Variants in FRMD6 observed in about 807,000 individuals in gnomAD.
FRMD6 encodes FERM domain containing 6, also known as FERM domain-containing protein 6.
In FRMD6, 37 loss-of-function variants were observed where a neutral mutation model predicts 73.2. That is an observed-to-expected ratio of 0.51 (90% CI 0.39 to 0.66). The LOEUF (loss-of-function observed/expected upper bound fraction) is 0.66. Among genes scored for constraint, FRMD6 ranks in the 30% least tolerant of loss-of-function variants. The pLI is 0.00. For synonymous variants in FRMD6, 273 were observed against 282.2 expected (o/e 0.97, Z 0.33); for missense variants, 714 against 780.5 (o/e 0.91, Z 1.02).
chr14:51,442,056 G>A, the FRMD6 span, among the ~76,000 whole-genome samples: 1 of 152,164 alleles, frequency 6.6e-6, no homozygotes, highest in African/African-American at 2.4e-5. Flanking sequence ...AGACAGCCCA[G>A]GGGAGTGCCA....
At position 51,689,920 on chromosome 14, in the gene FRMD6, G is replaced by T. The variant is rs142398991; in HGVS notation, c.84G>T (p.Leu28=). The change falls in exon 2 of 14, where the codon CTG becomes CTT. Residue 28 remains leucine, a synonymous_variant. Transcript: ENST00000344768. ...VCIFLPNDES[L]NIIINVKILC... is the part of the protein sequence containing the mutation. ...TTTTCCTTCCCAACGATGAATCTCTGAACATCATCATAAATGTGAGTAGAT... is the reference window on the plus strand; with the variant it reads ...TTTTCCTTCCCAACGATGAATCTCTTAACATCATCATAAATGTGAGTAGAT... 3.8e-5 allele frequency: 61 copies of T among 1,604,384 alleles called. No individual in the cohort carries two copies. The Middle Eastern group carries it at 5.0e-4, about 13-fold the overall frequency.
At chr14:51,701,216 T>C in intron 4 of FRMD6, 57 bp downstream of exon 4, 4 of 1,026,134 alleles carry the variant, frequency 3.9e-6, no homozygotes, top group Non-Finnish European at 5.7e-6. Flanking sequence ...ATGTTTATTT[T>C]AGCTGTTATA....
intron 2 of FRMD6, among the ~76,000 whole-genome samples, chr14:51,584,935 A>T (rs1267806168): frequency 6.6e-6 from 1 of 152,174 alleles, no homozygotes; most frequent in Non-Finnish European, 1.5e-5. Flanking sequence ...TCATAAAAAG[A>T]TATTGTGATC....
intron 2 of FRMD6, among the ~76,000 whole-genome samples, chr14:51,625,222 C>A (rs1891072115): frequency 6.6e-6 from 1 of 152,136 alleles, no homozygotes; most frequent in African/African-American, 2.4e-5. Flanking sequence ...TTCCAGCAAT[C>A]TGCATATTTA....
chr14:51,424,447 G>A, the FRMD6 span, among the ~76,000 whole-genome samples: 2 of 152,218 alleles, frequency 1.3e-5, no homozygotes, highest in Non-Finnish European at 1.5e-5. Context: ...CATTGTGAAG[G>A]TAGAGAGTGC....
At chr14:51,410,757 A>G in the FRMD6 span, among the ~76,000 whole-genome samples, 1 of 152,164 alleles carries the variant, frequency 6.6e-6, no homozygotes, top group African/African-American at 2.4e-5. Context: ...ATACTTTTTT[A>G]TGTTCCAAAA....
At chr14:51,522,053 G>A (rs1169405715) in intron 1 of FRMD6, among the ~76,000 whole-genome samples, 2 of 152,034 alleles carry the variant, frequency 1.3e-5, no homozygotes, top group African/African-American at 4.8e-5. Flanking sequence ...AAATGTACCA[G>A]GATTAAAGGT....
intron 2 of FRMD6, among the ~76,000 whole-genome samples, chr14:51,620,064 A>C (rs1229821847): frequency 2.6e-5 from 4 of 152,170 alleles, no homozygotes; most frequent in Non-Finnish European, 5.9e-5. Flanking sequence ...TTGTAAAATG[A>C]GGTGACTAAA....
intron 1 of FRMD6, among the ~76,000 whole-genome samples, chr14:51,537,818 G>T (rs751613000): frequency 2.0e-5 from 3 of 152,076 alleles, no homozygotes; most frequent in Non-Finnish European, 2.9e-5. Flanking sequence ...CTTTGGTGTG[G>T]TGTCTCTTCA....
the FRMD6 span, among the ~76,000 whole-genome samples, chr14:51,396,479 A>G: frequency 3.6e-4 from 54 of 151,984 alleles, no homozygotes; most frequent in Non-Finnish European, 7.4e-4. Context: ...TGTACTGTTT[A>G]TCGTGATAAT....
chr14:51,426,347 G>A, the FRMD6 span, among the ~76,000 whole-genome samples: 13 of 152,074 alleles, frequency 8.5e-5, no homozygotes, highest in East Asian at 7.7e-4. Flanking sequence ...CTGTGCCCGC[G>A]TCTGTGTGTC....
the FRMD6 span, among the ~76,000 whole-genome samples, chr14:51,450,120 G>A: frequency 1.3e-5 from 2 of 152,130 alleles, no homozygotes; most frequent in Non-Finnish European, 2.9e-5. Context: ...TTATAAAATT[G>A]AATCTCTCGT....
chr14:51,441,769 A>G, the FRMD6 span, among the ~76,000 whole-genome samples: 1 of 152,212 alleles, frequency 6.6e-6, no homozygotes, highest in Admixed American at 6.5e-5. Context: ...CTCTTCTTAG[A>G]ACTATAGAAT....
the FRMD6 span, among the ~76,000 whole-genome samples, chr14:51,417,617 C>T: frequency 4.6e-5 from 7 of 152,272 alleles, no homozygotes; most frequent in East Asian, 1.9e-4. Flanking sequence ...GTGAATCTGA[C>T]AATTATGTGT....
chr14:51,521,681 T>C (rs918037778), intron 1 of FRMD6, among the ~76,000 whole-genome samples: 4 of 149,604 alleles, frequency 2.7e-5, no homozygotes, highest in Admixed American at 1.3e-4. Flanking sequence ...ATGCAAGAAG[T>C]AGGTCTTAAC....
At chr14:51,502,025 T>C (rs1883650874) in intron 1 of FRMD6, among the ~76,000 whole-genome samples, 1 of 152,218 alleles carries the variant, frequency 6.6e-6, no homozygotes, top group African/African-American at 2.4e-5. Flanking sequence ...TATGTCTTCT[T>C]TTCAGAAGTG....
chr14:51,558,108 A>G (rs1203209599), intron 1 of FRMD6, among the ~76,000 whole-genome samples: 1 of 152,224 alleles, frequency 6.6e-6, no homozygotes, highest in Non-Finnish European at 1.5e-5. Flanking sequence ...AAATTATTGA[A>G]TTCCTTAAAA....
chr14:51,650,621 T>A (rs1034642434), upstream of FRMD6: 2 of 151,098 alleles, frequency 1.3e-5, no homozygotes, highest in African/African-American at 4.9e-5. Context: ...GGTCTCGATC[T>A]CCTGACCTCG....
chr14:51,484,397 ATAG>A (rs1882724351), upstream of FRMD6, among the ~76,000 whole-genome samples: 1 of 152,196 alleles, frequency 6.6e-6, no homozygotes, highest in South Asian at 2.1e-4. Context: ...CACCACCAGA[ATAG>A]CCACTCAACA....
Sources: gnomAD v4.1 joint callset for allele counts (sites outside exome capture counted in the v4.1 genomes callset) on GRCh38, gnomAD v4.1.1 for gene constraint, MANE v1.5 for transcripts, NCBI Gene and HGNC (gene_info 2026-07-23, HGNC 2026-07-21) for gene names.